Variants in IRAG2 observed in about 807,000 individuals in gnomAD.
IRAG2 encodes the protein inositol 1,4,5-triphosphate receptor associated 2.
Under a neutral mutation model 69.9 loss-of-function variants are expected in IRAG2, and 45 were observed. The observed-to-expected ratio is 0.64, with a 90% CI of 0.51 to 0.83. The LOEUF is 0.83. Ranked by LOEUF, IRAG2 falls within the 40% of genes least tolerant of loss-of-function variation. The pLI, the probability that IRAG2 is intolerant of heterozygous loss-of-function variation, is 0.00. For synonymous variants in IRAG2, 193 were observed against 202.4 expected, an observed-to-expected ratio of 0.95 and a Z score of 0.40; for missense variants, 520 against 587.0, an observed-to-expected ratio of 0.89 and a Z score of 1.18.
intron 2 of IRAG2, among the ~76,000 whole-genome samples, chr12:25,011,140 T>G (rs191703098): frequency 4.4e-4 from 67 of 152,296 alleles, no homozygotes; most frequent in African/African-American, 1.5e-3. Flanking sequence ...GAGGTTAATA[T>G]TCCCAAAGCT....
intron 2 of IRAG2, among the ~76,000 whole-genome samples, chr12:25,008,459 C>T (rs1944449570): frequency 1.3e-5 from 2 of 152,058 alleles, no homozygotes; most frequent in South Asian, 4.1e-4. Context: ...AAAATTTAGG[C>T]GGAGTGCAGT....
In IRAG2 at chr12:25,070,688, A is replaced by G. The variant is rs535444790; in HGVS notation, c.24+1257A>G. 1.1e-3 allele frequency among the ~76,000 whole-genome samples: 169 copies of G among 152,282 alleles called. 1 individual carries two copies. Among genetic ancestry groups the G allele is most frequent in the African/African-American group, 3.9e-3 (163 of 41,568 alleles). On this transcript the variant is annotated intron_variant, in intron 6 of 21. Transcript: ENST00000556887. ...AGTTACTGCATCATATGGTAACTCT[A>G]TGTTTAATGTTTTTGAGGAACTGCA...
chr12:25,100,510 T>C (rs987885353), intron 15 of IRAG2, among the ~76,000 whole-genome samples: 3 of 152,338 alleles, frequency 2.0e-5, no homozygotes, highest in African/African-American at 7.2e-5. Flanking sequence ...TATAGGACTT[T>C]TATCTTAGAA....
intron 15 of IRAG2, among the ~76,000 whole-genome samples, chr12:25,037,042 C>A (rs1944707651): frequency 6.6e-6 from 1 of 152,188 alleles, no homozygotes; most frequent in Non-Finnish European, 1.5e-5. Flanking sequence ...GTAACAGAAT[C>A]TTATTCCTGA....
At chr12:25,016,282 G>T (rs1382489925) in intron 5 of IRAG2, among the ~76,000 whole-genome samples, 1 of 152,050 alleles carries the variant, frequency 6.6e-6, no homozygotes, top group Admixed American at 6.6e-5. Context: ...GAGACCTGGG[G>T]CTCCATGAAA....
chr12:25,060,668 CT>C (rs753591747), intron 1 of IRAG2, among the ~76,000 whole-genome samples: 41,753 of 99,360 alleles, frequency 0.42, 7,060 homozygotes, highest in Admixed American at 0.46. Context: ...AATGTATTTT[CT>C]TTTTTTTTTT....
intron 16 of IRAG2, among the ~76,000 whole-genome samples, chr12:25,044,850 T>C (rs1033210842): frequency 1.3e-5 from 2 of 152,102 alleles, no homozygotes; most frequent in African/African-American, 2.4e-5. Context: ...CAATAATGGA[T>C]AGAACATTTA....
chr12:25,053,349 A>G (rs192209249), intron 1 of IRAG2, among the ~76,000 whole-genome samples: 75 of 151,938 alleles, frequency 4.9e-4, no homozygotes, highest in Middle Eastern at 6.8e-3. Context: ...CTCATATGGT[A>G]GAAAAGGCCT....
chr12:25,040,989 C>CT (rs200501897), intron 16 of IRAG2, among the ~76,000 whole-genome samples: 2,937 of 152,242 alleles, frequency 0.019, 39 homozygotes, highest in African/African-American at 0.043. Flanking sequence ...CAGAGAATGA[C>CT]TGGGAGCATT....
At chr12:25,046,997 A>C (rs1005304225) in intron 16 of IRAG2, among the ~76,000 whole-genome samples, 1 of 152,226 alleles carries the variant, frequency 6.6e-6, no homozygotes, top group Admixed American at 6.5e-5. Flanking sequence ...CCAATGAAAC[A>C]GAAGAGAGAG....
intron 4 of IRAG2, among the ~76,000 whole-genome samples, chr12:25,064,338 G>C (rs1945830567): frequency 6.6e-6 from 1 of 152,116 alleles, no homozygotes; most frequent in East Asian, 1.9e-4. Flanking sequence ...AAAATAAGAA[G>C]AGAAGTAAGA....
At chr12:25,042,919 C>T (rs1944762127) in intron 16 of IRAG2, among the ~76,000 whole-genome samples, 1 of 151,102 alleles carries the variant, frequency 6.6e-6, no homozygotes, top group Admixed American at 6.6e-5. Context: ...CTTTTGCTTT[C>T]TCTTGGAAGA....
At chr12:25,087,698 T>C (rs147913576) in intron 10 of IRAG2, among the ~76,000 whole-genome samples, 278 of 152,218 alleles carry the variant, frequency 1.8e-3, no homozygotes, top group African/African-American at 6.0e-3. Flanking sequence ...TCAGAACCCA[T>C]TCGAGGCTGT....
chr12:25,072,596 A>G (rs1946408982), intron 6 of IRAG2, among the ~76,000 whole-genome samples: 1 of 152,246 alleles, frequency 6.6e-6, no homozygotes, highest in African/African-American at 2.4e-5. Context: ...AGTAAAATAT[A>G]AGATATAAAT....
At chr12:25,078,146 TA>T (rs1946952350) in intron 6 of IRAG2, among the ~76,000 whole-genome samples, 1 of 152,222 alleles carries the variant, frequency 6.6e-6, no homozygotes, top group Non-Finnish European at 1.5e-5. Flanking sequence ...CTGTAATAAG[TA>T]AATCTTTTCT....
At chr12:25,063,004 A>G in intron 3 of IRAG2, 104 bp downstream of exon 3, 1 of 396,978 alleles carries the variant, frequency 2.5e-6, no homozygotes, top group Non-Finnish European at 4.4e-6. Flanking sequence ...TTAGAACTGC[A>G]TATATTGCTT....
In IRAG2 at chr12:25,084,171, T is replaced by C. The variant is rs142361631; in HGVS notation, c.315+678T>C. Among the ~76,000 whole-genome samples the C allele has an allele frequency of 1.1e-4, 16 of 152,296 alleles. 1 individual carries two copies. Among genetic ancestry groups the C allele is most frequent in the African/African-American group, 3.6e-4 (15 of 41,582 alleles). Reference sequence around the variant, plus strand: ...GAGAGATCGAGGTGGAAGGATTGCTTGAGCCTAAGAGTTTAAGGCCAGCCT... The same window carrying C: ...GAGAGATCGAGGTGGAAGGATTGCTCGAGCCTAAGAGTTTAAGGCCAGCCT... On this transcript the variant is annotated intron_variant, in intron 10 of 21. Transcript: ENST00000556887.
At chr12:25,054,015 T>G (rs1170394843) in intron 1 of IRAG2, among the ~76,000 whole-genome samples, 1 of 152,120 alleles carries the variant, frequency 6.6e-6, no homozygotes, top group Admixed American at 6.5e-5. Flanking sequence ...GCAGATTGCT[T>G]GAGCCCAGGA....
intron 4 of IRAG2, among the ~76,000 whole-genome samples, chr12:25,065,573 C>A (rs1471307983): frequency 6.6e-6 from 1 of 152,206 alleles, no homozygotes; most frequent in Admixed American, 6.5e-5. Flanking sequence ...CTGTAAAAGA[C>A]CCGATAGTAA....
Sources: gnomAD v4.1 joint callset for allele counts (sites outside exome capture counted in the v4.1 genomes callset) on GRCh38, gnomAD v4.1.1 for gene constraint, MANE v1.5 for transcripts, NCBI Gene and HGNC (gene_info 2026-07-23, HGNC 2026-07-21) for gene names.